Variants in ATG13 observed in about 807,000 individuals in gnomAD.
ATG13 encodes autophagy-related protein 13.
ATG13 carries 23 observed loss-of-function variants against 65.5 expected under a neutral mutation model. That is an observed-to-expected ratio of 0.35 (90% CI 0.25 to 0.50). ATG13 has a LOEUF of 0.50. Ranked by LOEUF, ATG13 falls within the 20% of genes least tolerant of loss-of-function variation. The probability of loss-of-function intolerance (pLI) is 0.98; values close to 1 mark genes in which losing one functional copy is unlikely to be tolerated. For synonymous variants in ATG13, 252 were observed against 245.2 expected (o/e 1.03, Z -0.26); for missense variants, 566 against 677.0 (o/e 0.84, Z 1.82).
At position 46,672,854 on chromosome 11, in the gene ATG13, T is replaced by C; in HGVS notation, c.*522T>C. ...GTCCCCTTTACTTCCTGCTATCTTC[T>C]TCTCCTCTTCTTCTCTCTCTTGCCT... On this transcript the variant is annotated 3_prime_UTR_variant, in exon 19 of 19. Coordinates refer to ENST00000683050, the MANE Select transcript of ATG13 (RefSeq NM_001346311.2). 2 of 1,164,376 alleles carry C rather than the reference T, an allele frequency of 1.7e-6. No individual in the cohort carries two copies. Among genetic ancestry groups the C allele is most frequent in the Non-Finnish European group, 2.2e-6 (2 of 904,364 alleles). The allele number at this position is 1,164,376 out of a possible 1,614,324, so 72.1% of individuals were successfully genotyped here. A position where few individuals can be genotyped will look rare whatever the true frequency, so the allele number is the denominator to read the frequency against.
In ATG13 at chr11:46,617,641, T is replaced by C. The variant is rs923746745; in HGVS notation, c.-319T>C. ...CTGGGCTTAAGGCGGGAGTGACCGC[T>C]TAACCAGTGAGGGAAGCACTGAAGA... On this transcript the variant is annotated 5_prime_UTR_variant, in exon 1 of 19. Coordinates refer to ENST00000683050, the MANE Select transcript of ATG13 (RefSeq NM_001346311.2). 26 of 315,012 alleles carry C rather than the reference T, an allele frequency of 8.3e-5. No individual in the cohort carries two copies. Among genetic ancestry groups the C allele is most frequent in the Admixed American group, 7.1e-4 (14 of 19,720 alleles). The allele number at this position is 315,012 out of a possible 1,614,324, so 19.5% of individuals were successfully genotyped here.
chr11:46,664,709 C>T (rs1003548421), intron 12 of ATG13, 140 bp from the exon 13 acceptor site: 4 of 698,142 alleles, frequency 5.7e-6, no homozygotes, highest in African/African-American at 1.8e-5. Context: ...ACCCCTATCA[C>T]GTCAGGCCCC....
At chr11:46,621,905 C>T (rs1041648167) in intron 1 of ATG13, among the ~76,000 whole-genome samples, 1 of 151,446 alleles carries the variant, frequency 6.6e-6, no homozygotes, top group Non-Finnish European at 1.5e-5. Context: ...TTTGATTGTA[C>T]TCTTTATGGA....
chr11:46,622,203 C>T (rs1304094266), intron 1 of ATG13, among the ~76,000 whole-genome samples: 2 of 148,578 alleles, frequency 1.3e-5, no homozygotes, highest in Non-Finnish European at 3.0e-5. Context: ...CTGCAACCTC[C>T]ACCTCCCAGG....
rs186299390 is a variant in ATG13 at position 46,668,921 on chromosome 11, G to A, written c.1446+11G>A. Reference sequence around the variant, plus strand: ...GTTATGATAGACTTTGTAAGTCGCCGTCACCTTCCTTGACCTTTGCTGTCC... The same window carrying A: ...GTTATGATAGACTTTGTAAGTCGCCATCACCTTCCTTGACCTTTGCTGTCC... On this transcript the variant is annotated intron_variant, in intron 17 of 18. Transcript: ENST00000683050. The A allele has an allele frequency of 9.1e-5, 145 of 1,597,734 alleles. No homozygotes were observed. The highest frequency in any genetic ancestry group is 3.3e-4 in the Middle Eastern group (2 of 5,984).
intron 1 of ATG13, among the ~76,000 whole-genome samples, chr11:46,627,021 C>T (rs923642062): frequency 6.6e-6 from 1 of 152,218 alleles, no homozygotes; most frequent in Non-Finnish European, 1.5e-5. Flanking sequence ...GGATGGATCA[C>T]TTGAGGCCAG....
At position 46,620,752 on chromosome 11, in the gene ATG13, G is replaced by A. The variant is rs148471596; in HGVS notation, c.-70+2862G>A. On this transcript the variant is annotated intron_variant, in intron 1 of 18. Transcript: ENST00000683050. The stretch of plus-strand genomic sequence containing the variant: ...ATCATGCCATTGCATTCCAGCCTGG[G>A]CAACAAGAGTGAAACTCCATCTCAA... Among the ~76,000 whole-genome samples, 1,105 of 152,110 alleles carry A rather than the reference G, an allele frequency of 7.3e-3. 22 individuals carry two copies. The highest frequency in any genetic ancestry group is 0.026 in the African/African-American group (1,073 of 41,532).
Position 46,646,413 on chromosome 11 carries a change from G to A in ATG13, c.270+424G>A, listed in dbSNP as rs572987987. On this transcript the variant is annotated intron_variant, in intron 5 of 18. Coordinates refer to ENST00000683050, the MANE Select transcript of ATG13 (RefSeq NM_001346311.2). ...TCCGCCCGCATTGGCCTCCCAAAGT[G>A]CTGGGATTACAAGGGTGAGCCACTG... is the stretch of plus-strand genomic sequence containing the variant. Among the ~76,000 whole-genome samples the A allele has an allele frequency of 2.3e-4, 35 of 151,954 alleles. 1 individual carries two copies. The South Asian group carries it at 6.9e-3, about 30-fold the overall frequency.
At chr11:46,659,551 T>C (rs2060731170) in intron 11 of ATG13, 66 bp downstream of exon 11, 1 of 1,345,754 alleles carries the variant, frequency 7.4e-7, no homozygotes, top group African/African-American at 1.4e-5. Flanking sequence ...TATGAAATGG[T>C]GTCCAAATTT....
At chr11:46,659,539 T>C (rs534659476) in intron 11 of ATG13, 54 bp downstream of exon 11, 8 of 1,424,502 alleles carry the variant, frequency 5.6e-6, no homozygotes, top group Admixed American at 5.4e-5. Flanking sequence ...ATATATGGGC[T>C]TTATGAAATG....
rs538286046 is a variant in ATG13 at position 46,665,321 on chromosome 11, G to C, written c.1000-62G>C. ...AAAGCAGATACCATCATGCTAGAAT[G>C]TGAAGTTCCCCTCCTGCCTGGCATG... On this transcript the variant is annotated intron_variant, in intron 13 of 18. Coordinates refer to ENST00000683050, the MANE Select transcript of ATG13 (RefSeq NM_001346311.2). 3,448 of 1,572,132 alleles carry C rather than the reference G, an allele frequency of 2.2e-3. 22 individuals are homozygous for C. Among genetic ancestry groups the C allele is most frequent in the South Asian group, 0.015 (1,328 of 87,488 alleles).
intron 3 of ATG13, 132 bp from the exon 4 acceptor site, chr11:46,645,207 C>T: frequency 3.0e-6 from 2 of 661,618 alleles, no homozygotes; most frequent in Non-Finnish European, 4.9e-6. Flanking sequence ...ATACTGTTTC[C>T]CAAAGTATAC....
chr11:46,670,374 G>A (rs1387099763), intron 18 of ATG13, among the ~76,000 whole-genome samples: 2 of 151,726 alleles, frequency 1.3e-5, no homozygotes, highest in Non-Finnish European at 2.9e-5. Flanking sequence ...CCAGCCACTC[G>A]GGAGGCAGAG....
chr11:46,649,121 T>G lies in ATG13; in HGVS notation c.271-16T>G, dbSNP rs2058378782. On this transcript the variant is annotated splice_polypyrimidine_tract_variant and intron_variant, in intron 5 of 18. Coordinates refer to ENST00000683050, the MANE Select transcript of ATG13 (RefSeq NM_001346311.2). ...AAATTTTTTAAACAAATATTTTAAA[T>G]TTGTCCTTTCTACAGGGAGATTCCA... 1.9e-6 allele frequency: 3 copies of G among 1,605,818 alleles called. No homozygotes were observed. Among genetic ancestry groups the G allele is most frequent in the Admixed American group, 3.4e-5 (2 of 58,564 alleles).
intron 1 of ATG13, among the ~76,000 whole-genome samples, chr11:46,627,481 T>A (rs1264843367): frequency 6.6e-6 from 1 of 152,030 alleles, no homozygotes; most frequent in Non-Finnish European, 1.5e-5. Context: ...GTTTAAAAGC[T>A]TTTTTTGAGA....
Position 46,664,891 on chromosome 11 carries a change from G to A in ATG13, c.931G>A (p.Val311Ile), listed in dbSNP as rs774788651. 36 of 1,613,848 alleles carry A rather than the reference G, an allele frequency of 2.2e-5. No homozygotes were observed. The highest frequency in any genetic ancestry group is 5.0e-5 in the Admixed American group (3 of 60,004). The change falls in exon 13 of 19, where the codon GTT becomes ATT. Residue 311 changes from valine to isoleucine, a missense_variant. Physicochemically the swap from Val to Ile is conservative, Grantham distance 29. Coordinates refer to ENST00000683050, the MANE Select transcript of ATG13 (RefSeq NM_001346311.2). ...RLSYQPAALG[V>I]GSADLAYPVV... The stretch of plus-strand genomic sequence containing the variant: ...TTCCTATCAGCCTGCTGCCCTGGGC[G>A]TTGGATCAGCTGACCTGGCTTATCC...
At chr11:46,659,515 T>A in intron 11 of ATG13, 30 bp downstream of exon 11, 1 of 1,556,336 alleles carries the variant, frequency 6.4e-7, no homozygotes, top group Non-Finnish European at 8.9e-7. Context: ...GGGGTGGTGG[T>A]AGTTATTTGG....
Position 46,672,331 on chromosome 11 carries a change from A to G in ATG13, c.1652A>G (p.Ter551=). The part of the protein sequence containing the change: ...EFDAFVETLQ[*] ...GATGCCTTTGTGGAAACCCTGCAGT[A>G]AAAGTATCCTTGAGTCCCAGCAGCA... The change falls in exon 19 of 19, where the codon TAA becomes TGA. Residue 551 remains the stop codon, a stop_retained_variant. Coordinates refer to ENST00000683050, the MANE Select transcript of ATG13 (RefSeq NM_001346311.2). 2 of 1,614,226 alleles carry G rather than the reference A, an allele frequency of 1.2e-6. No individual in the cohort carries two copies. Among genetic ancestry groups the G allele is most frequent in the Non-Finnish European group, 1.7e-6 (2 of 1,180,030 alleles).
chr11:46,653,736 A>T (rs188131639), intron 7 of ATG13, among the ~76,000 whole-genome samples: 4 of 151,424 alleles, frequency 2.6e-5, no homozygotes, highest in Non-Finnish European at 5.9e-5. Context: ...CGCCCGGCTA[A>T]TTTTTTGTAT....
Sources: gnomAD v4.1 joint callset for allele counts (sites outside exome capture counted in the v4.1 genomes callset) on GRCh38, gnomAD v4.1.1 for gene constraint, MANE v1.5 for transcripts, NCBI Gene and HGNC (gene_info 2026-07-23, HGNC 2026-07-21) for gene names.